Variants in CD276 observed in about 807,000 individuals in gnomAD.
CD276 encodes the protein CD276 antigen.
CD276 carries 34 observed loss-of-function variants against 50.0 expected under a neutral mutation model. That is an observed-to-expected ratio of 0.68 (90% confidence interval 0.52 to 0.91). The LOEUF is 0.91. Among genes scored for constraint, CD276 ranks in the 40% least tolerant of loss-of-function variants. The probability of loss-of-function intolerance (pLI) is 0.00; values close to 1 mark genes in which losing one functional copy is unlikely to be tolerated. For missense variants in CD276, 634 were observed against 717.5 expected, an observed-to-expected ratio of 0.88 and a Z score of 1.33; for synonymous variants, 275 against 313.0, an observed-to-expected ratio of 0.88 and a Z score of 1.28.
intron 6 of CD276, among the ~76,000 whole-genome samples, chr15:73,706,599 T>C (rs1306406819): frequency 6.6e-6 from 1 of 152,208 alleles, no homozygotes; most frequent in Non-Finnish European, 1.5e-5. Flanking sequence ...AGCCTCCTGT[T>C]TCTGTTAGAG....
chr15:73,684,800 G>C (rs1899674907), intron 1 of CD276: 1 of 152,474 alleles, frequency 6.6e-6, no homozygotes, highest in South Asian at 2.1e-4. Context: ...ACCGGGCCGG[G>C]TGGGTGAATG....
At chr15:73,703,466 G>T (rs1036342543) in intron 4 of CD276, among the ~76,000 whole-genome samples, 193 bp from the exon 5 acceptor site, 23 of 152,160 alleles carry the variant, frequency 1.5e-4, no homozygotes, top group Non-Finnish European at 2.2e-4. Context: ...CACCTGCTGT[G>T]ATTGTTCTCA....
At chr15:73,711,006 C>A in intron 8 of CD276, 129 bp from the exon 9 acceptor site, 1 of 879,868 alleles carries the variant, frequency 1.1e-6, no homozygotes, top group Non-Finnish European at 1.8e-6. Flanking sequence ...TTCCCTTGTG[C>A]TATGAAGTGG....
intron 1 of CD276, among the ~76,000 whole-genome samples, chr15:73,685,969 G>C (rs1021526919): frequency 6.6e-6 from 1 of 152,246 alleles, no homozygotes; most frequent in East Asian, 1.9e-4. Flanking sequence ...TTGAGATTAA[G>C]CACTAACACT....
chr15:73,713,057 C>G lies in CD276; in HGVS notation c.*101C>G. 9.2e-7 allele frequency: 1 copy of G among 1,085,952 alleles called. No individual in the cohort carries two copies. Among genetic ancestry groups the G allele is most frequent in the East Asian group, 2.4e-5 (1 of 40,828 alleles). 67.3% of individuals were successfully genotyped at this position (1,085,952 alleles called of 1,614,324 possible). A position where few individuals can be genotyped will look rare whatever the true frequency, so the allele number is the denominator to read the frequency against. ...CTGCCCCCAACAGATGCATCCTGCTCTGACAGGTGGGCTCCTTCTCCAAAG... is the reference window on the plus strand; with the variant it reads ...CTGCCCCCAACAGATGCATCCTGCTGTGACAGGTGGGCTCCTTCTCCAAAG... On this transcript the variant is annotated 3_prime_UTR_variant, in exon 10 of 10. Coordinates refer to ENST00000318443, the MANE Select transcript of CD276 (RefSeq NM_001024736.2).
At chr15:73,688,912 C>T (rs1204990519) in intron 1 of CD276, among the ~76,000 whole-genome samples, 1 of 152,160 alleles carries the variant, frequency 6.6e-6, no homozygotes, top group Admixed American at 6.5e-5. Context: ...AAAATGCACC[C>T]TTCCTTGAGT....
Position 73,702,657 on chromosome 15 carries a change from C to A in CD276, c.418+64C>A, listed in dbSNP as rs909418259. On this transcript the variant is annotated intron_variant, in intron 3 of 9. Transcript: ENST00000318443. Reference sequence around the variant, plus strand: ...CCTCCATTCCCCCTGCAGCCCACCCCCTGCTGCACCACTGCTCCCAGAACC... The same window carrying A: ...CCTCCATTCCCCCTGCAGCCCACCCACTGCTGCACCACTGCTCCCAGAACC... 2.2e-5 allele frequency: 35 copies of A among 1,557,982 alleles called. No homozygotes were observed. In the East Asian group the frequency reaches 6.3e-4, roughly 28 times the overall value.
At chr15:73,710,931 A>G (rs1313462165) in intron 8 of CD276, among the ~76,000 whole-genome samples, 1 of 152,044 alleles carries the variant, frequency 6.6e-6, no homozygotes, top group Non-Finnish European at 1.5e-5. Context: ...CAGAGAGGAG[A>G]ATGACAAGCC....
Position 73,713,145 on chromosome 15 carries a change from C to G in CD276, c.*189C>G. The G allele has an allele frequency of 1.8e-6, 1 of 561,132 alleles. No homozygotes were observed. The highest frequency in any genetic ancestry group is 3.1e-6 in the Non-Finnish European group (1 of 320,034). 34.8% of individuals were successfully genotyped at this position (561,132 alleles called of 1,614,324 possible). A position where few individuals can be genotyped will look rare whatever the true frequency, so the allele number is the denominator to read the frequency against. On this transcript the variant is annotated 3_prime_UTR_variant, in exon 10 of 10. Transcript: ENST00000318443. ...CAATGGACATGATTCCCAAGTCATCCTGCTGCCTTTTTTCTTATAGACACA... is the reference window on the plus strand; with the variant it reads ...CAATGGACATGATTCCCAAGTCATCGTGCTGCCTTTTTTCTTATAGACACA...
In CD276 at chr15:73,711,158, G is replaced by A. The variant is rs761381198; in HGVS notation, c.1570G>A (p.Asp524Asn). ...AGCCCTGCAGCCTCTGAAACACTCTGACAGCAAAGAAGGTAAAGACACCTG... is the reference window on the plus strand; with the variant it reads ...AGCCCTGCAGCCTCTGAAACACTCTAACAGCAAAGAAGGTAAAGACACCTG... ...KTALQPLKHSDSKEDDGQEIA is the reference protein window; with the variant it reads ...KTALQPLKHSNSKEDDGQEIA The change falls in exon 9 of 10, where the codon GAC becomes AAC. Residue 524 changes from aspartate to asparagine, a missense_variant. By Grantham distance (23) the Asp-to-Asn change is conservative (BLOSUM62 1). Coordinates refer to ENST00000318443, the MANE Select transcript of CD276 (RefSeq NM_001024736.2). 7 of 1,613,968 alleles carry A rather than the reference G, an allele frequency of 4.3e-6. No homozygotes were observed. The highest frequency in any genetic ancestry group is 1.1e-5 in the South Asian group (1 of 91,080).
At chr15:73,689,800 C>T (rs1899920191) in intron 1 of CD276, among the ~76,000 whole-genome samples, 1 of 152,134 alleles carries the variant, frequency 6.6e-6, no homozygotes, top group Admixed American at 6.5e-5. Flanking sequence ...CTTGTGATTA[C>T]ACCAGCCCAA....
At chr15:73,712,882 G>T in intron 9 of CD276, 52 bp from the exon 10 acceptor site, 1 of 1,585,122 alleles carries the variant, frequency 6.3e-7, no homozygotes, top group Non-Finnish European at 8.7e-7. Context: ...TAGATCTTCT[G>T]GCATCTAATG....
At chr15:73,705,478 C>CA (rs36028218) in intron 6 of CD276, among the ~76,000 whole-genome samples, 4,226 of 152,146 alleles carry the variant, frequency 0.028, 81 homozygotes, top group East Asian at 0.057. Flanking sequence ...CAGGCTCACT[C>CA]CTCCTTCTCT....
Position 73,706,591 on chromosome 15 carries a change from C to A in CD276, c.1370-1748C>A, listed in dbSNP as rs566771515. 2.0e-5 allele frequency among the ~76,000 whole-genome samples: 3 copies of A among 152,346 alleles called. No individual in the cohort carries two copies. In the East Asian group the frequency reaches 5.8e-4, roughly 29 times the overall value. On this transcript the variant is annotated intron_variant, in intron 6 of 9. Transcript: ENST00000318443. ...ATTTCCTCTCCTTCCCACCAGCCAG[C>A]CTCCTGTTTCTGTTAGAGCAGGTCT...
At chr15:73,693,426 GA>G (rs1900058176) in intron 1 of CD276, among the ~76,000 whole-genome samples, 1 of 152,036 alleles carries the variant, frequency 6.6e-6, no homozygotes, top group Non-Finnish European at 1.5e-5. Context: ...TTACAACAAT[GA>G]AAAAAATGTT....
intron 1 of CD276, among the ~76,000 whole-genome samples, chr15:73,686,859 G>A (rs1899789375): frequency 6.6e-6 from 1 of 152,168 alleles, no homozygotes; most frequent in Admixed American, 6.5e-5. Context: ...GTTAAGCTGT[G>A]GATCTGAGTC....
chr15:73,691,890 G>C (rs553121260), intron 1 of CD276, among the ~76,000 whole-genome samples: 1 of 152,256 alleles, frequency 6.6e-6, no homozygotes, highest in Admixed American at 6.5e-5. Flanking sequence ...CTGGCCCCTG[G>C]GATTGCCTGT....
chr15:73,712,011 C>T (rs1373629313), intron 9 of CD276: 11 of 152,098 alleles, frequency 7.2e-5, no homozygotes, highest in African/African-American at 1.9e-4. Context: ...AAAACTTAGC[C>T]GGGCGTGGTG....
rs540173304 is a variant in CD276 at position 73,702,415 on chromosome 15, T to G, written c.240T>G (p.Ala80=). Residue 80 remains alanine, a synonymous_variant, in exon 3 of 10, where the codon GCT becomes GCG. Coordinates refer to ENST00000318443, the MANE Select transcript of CD276 (RefSeq NM_001024736.2). ...CCAAACAGCTGGTGCACAGCTTTGCTGAGGGCCAGGACCAGGGCAGCGCCT... is the reference window on the plus strand; with the variant it reads ...CCAAACAGCTGGTGCACAGCTTTGCGGAGGGCCAGGACCAGGGCAGCGCCT... The part of the protein sequence containing the change: ...TDTKQLVHSF[A]EGQDQGSAYA... The G allele has an allele frequency of 1.2e-6, 2 of 1,613,760 alleles. No homozygotes were observed. The highest frequency in any genetic ancestry group is 1.7e-5 in the Admixed American group (1 of 60,024).
Sources: gnomAD v4.1 joint callset for allele counts (sites outside exome capture counted in the v4.1 genomes callset) on GRCh38, gnomAD v4.1.1 for gene constraint, MANE v1.5 for transcripts, NCBI Gene and HGNC (gene_info 2026-07-23, HGNC 2026-07-21) for gene names.